DCLRE1A: variants seen among roughly 807,000 people sequenced by gnomAD.
DCLRE1A encodes the protein DNA cross-link repair 1A protein.
In DCLRE1A, 64 loss-of-function variants were observed where a neutral mutation model predicts 91.9. That is an observed-to-expected ratio of 0.70 (90% CI 0.57 to 0.86). DCLRE1A has a LOEUF of 0.86. Among genes scored for constraint, DCLRE1A ranks in the 40% least tolerant of loss-of-function variants. The pLI is 0.00. For missense variants in DCLRE1A, 1,145 were observed against 1,213.3 expected, an observed-to-expected ratio of 0.94 and a Z score of 0.84; for synonymous variants, 416 against 431.1, an observed-to-expected ratio of 0.96 and a Z score of 0.43.
chr10:113,852,826 A>G lies in DCLRE1A; in HGVS notation c.357T>C (p.Asp119=). 6.2e-7 allele frequency: 1 copy of G among 1,614,214 alleles called. No individual in the cohort carries two copies. Among genetic ancestry groups the G allele is most frequent in the Non-Finnish European group, 8.5e-7 (1 of 1,180,020 alleles). The change falls in exon 1 of 9, where the codon GAT becomes GAC. Residue 119 remains aspartate (D), a synonymous_variant. Transcript: ENST00000361384. ...GCATCTGGCAATTTGGACAGTATCC[A>G]TCATAAACTGGACGTATCTTTGGGG... The part of the protein sequence containing the change: ...HVSPKIRPVY[D]GYCPNCQMPF...
chr10:113,841,390 T>C lies in DCLRE1A; in HGVS notation c.2820+16A>G, dbSNP rs1593071987. The C allele has an allele frequency of 6.2e-7, 1 of 1,608,548 alleles. No individual in the cohort carries two copies. The highest frequency in any genetic ancestry group is 1.7e-5 in the Admixed American group (1 of 59,038). ...TTTTTTGTTCATCCTAAAAGACATA[T>C]CTCTTGAATGCTTACCTTAAAATTA... On this transcript the variant is annotated intron_variant, in intron 7 of 8. Coordinates refer to ENST00000361384, the MANE Select transcript of DCLRE1A (RefSeq NM_014881.5).
At chr10:113,835,357 T>C (rs761490196) in intron 8 of DCLRE1A, 45 bp from the exon 9 acceptor site, 1 of 1,514,662 alleles carries the variant, frequency 6.6e-7, no homozygotes, top group African/African-American at 1.4e-5. Context: ...ATCAAACTAA[T>C]TTAAACTTTC....
chr10:113,844,069 G>A (rs1564842978), intron 5 of DCLRE1A, 35 bp downstream of exon 5: 1 of 1,611,240 alleles, frequency 6.2e-7, no homozygotes, highest in East Asian at 2.2e-5. Flanking sequence ...GGCTGTCAGT[G>A]GGAAAAGGAA....
chr10:113,847,082 T>C, intron 3 of DCLRE1A, 120 bp downstream of exon 3: 1 of 1,020,318 alleles, frequency 9.8e-7, no homozygotes. Context: ...TGGAATATGT[T>C]TTCTCATTTT....
rs894661018 is a variant in DCLRE1A, at chr10:113,850,244, T to C, written c.861A>G (p.Pro287=). 13 of 1,614,172 alleles carry C rather than the reference T, an allele frequency of 8.1e-6. No individual in the cohort carries two copies. Among genetic ancestry groups the C allele is most frequent in the Non-Finnish European group, 8.5e-6 (10 of 1,180,014 alleles). Residue 287 remains proline, a synonymous_variant, in exon 2 of 9, where the codon CCA becomes CCG. Transcript: ENST00000361384. ...AGTCACTGAAGTCATTTTCTGGCAA[T>C]GGCAAATTTATGTGTTCTGAGTTGT... ...LANNSEHINL[P]LPENDFSDCE... is the part of the protein sequence containing the mutation.
intron 4 of DCLRE1A, among the ~76,000 whole-genome samples, chr10:113,844,912 G>A (rs528640646): frequency 9.3e-5 from 14 of 150,396 alleles, no homozygotes; most frequent in African/African-American, 2.9e-4. Context: ...CTCCAACCTG[G>A]GCAAAAAAAG....
Position 113,849,796 on chromosome 10 carries a change from A to C in DCLRE1A, c.1309T>G (p.Ser437Ala), listed in dbSNP as rs373657106. Residue 437 changes from serine (S) to alanine (A), a missense_variant, in exon 2 of 9, where the codon TCA (serine) becomes GCA (alanine). Ser to Ala is a moderately conservative substitution (Grantham distance 99). Coordinates refer to ENST00000361384, the MANE Select transcript of DCLRE1A (RefSeq NM_014881.5). ...KAKPDEPEFHSAQSNKQKQVI... is the reference protein window; with the variant it reads ...KAKPDEPEFHAAQSNKQKQVI... ...TGTTTCTGTTTATTTGATTGAGCTG[A>C]GTGAAATTCTGGCTCATCAGGTTTT... 5.6e-6 allele frequency: 9 copies of C among 1,614,068 alleles called. No homozygotes were observed. The highest frequency in any genetic ancestry group is 6.8e-6 in the Non-Finnish European group (8 of 1,180,044).
rs370209719 is a variant in DCLRE1A at position 113,841,460 on chromosome 10, G to A, written c.2766C>T (p.Thr922=). The change falls in exon 7 of 9, where the codon ACC becomes ACT. Residue 922 remains threonine (T), a synonymous_variant. Transcript: ENST00000361384. ...GGTGAACCAATGAACTGCACATGTC[G>A]GTAGTGATGAGTGAATTAATTTCTG... is the stretch of plus-strand genomic sequence containing the variant. ...NIPEINSLIT[T]DMCSSLVHLL... is the part of the protein sequence containing the mutation. The A allele has an allele frequency of 5.1e-5, 82 of 1,613,380 alleles. No individual in the cohort carries two copies. The highest frequency in any genetic ancestry group is 1.4e-4 in the South Asian group (13 of 90,994).
chr10:113,834,978 TGA>T lies in DCLRE1A; in HGVS notation c.*172_*173del, dbSNP rs2134641599. ...CAGTTTCAGTTATCCTTGATGATGC[TGA>T]GAGGCATTCAGCACCACGAACATGT... On this transcript the variant is annotated 3_prime_UTR_variant, in exon 9 of 9. Coordinates refer to ENST00000361384, the MANE Select transcript of DCLRE1A (RefSeq NM_014881.5). 4 of 645,670 alleles carry T rather than the reference TGA, an allele frequency of 6.2e-6. No homozygotes were observed. The East Asian group carries it at 9.0e-5, about 15-fold the overall frequency. 40.0% of individuals were successfully genotyped at this position (645,670 alleles called of 1,614,324 possible). A position where few individuals can be genotyped will look rare whatever the true frequency, so the allele number is the denominator to read the frequency against.
Position 113,844,188 on chromosome 10 carries a change from T to C in DCLRE1A, c.2435A>G (p.His812Arg), listed in dbSNP as rs760652905. ...FYLPNGTVILHTGDFRADPSM... is the reference protein window; with the variant it reads ...FYLPNGTVILRTGDFRADPSM... The stretch of plus-strand genomic sequence containing the variant: ...GGGATCTGCTCTGAAGTCTCCCGTG[T>C]GTAATATGACAGTACCATTAGGAAG... Residue 812 changes from histidine to arginine, a missense_variant, in exon 5 of 9, where the codon CAC (histidine) becomes CGC (arginine). By Grantham distance (29) the His-to-Arg change is conservative. Transcript: ENST00000361384. 2 of 1,614,044 alleles carry C rather than the reference T, an allele frequency of 1.2e-6. No homozygotes were observed. The highest frequency in any genetic ancestry group is 1.7e-6 in the Non-Finnish European group (2 of 1,180,026).
At position 113,850,582 on chromosome 10, in the gene DCLRE1A, A is replaced by T; in HGVS notation, c.523T>A (p.Phe175Ile). ...IPFHYKRYTH[F>I]LLAQSRAGDH... ...CCAGCCCTGCTTTGAGCTAGCAGGA[A>T]GTGAGTGTATCTCTTGTAATGAAAA... The change falls in exon 2 of 9, where the codon TTC becomes ATC. Residue 175 changes from phenylalanine to isoleucine, a missense_variant. Coordinates refer to ENST00000361384, the MANE Select transcript of DCLRE1A (RefSeq NM_014881.5). The T allele has an allele frequency of 6.2e-7, 1 of 1,614,158 alleles. No homozygotes were observed. The highest frequency in any genetic ancestry group is 1.6e-4 in the Middle Eastern group (1 of 6,062).
In DCLRE1A at chr10:113,840,312, C is replaced by A. The variant is rs12256487; in HGVS notation, c.2820+1094G>T. Among the ~76,000 whole-genome samples, 1,114 of 142,562 alleles carry A rather than the reference C, an allele frequency of 7.8e-3. 12 individuals carry two copies. The highest frequency in any genetic ancestry group is 0.027 in the African/African-American group (1,054 of 38,920). The allele number at this position is 142,562 out of a possible 152,430, so 93.5% of individuals were successfully genotyped here. ...CTGTCTCCAAAAAAAAAAAAAACAA[C>A]AAAAAAAAAAGTTTGAGTTTGTAGT... On this transcript the variant is annotated intron_variant, in intron 7 of 8. Coordinates refer to ENST00000361384, the MANE Select transcript of DCLRE1A (RefSeq NM_014881.5).
rs765925218 is a variant in DCLRE1A, at chr10:113,844,139, C to T, written c.2484G>A (p.Ala828=). The T allele has an allele frequency of 2.9e-5, 46 of 1,613,998 alleles. No homozygotes were observed. Among genetic ancestry groups the T allele is most frequent in the Non-Finnish European group, 3.0e-5 (35 of 1,180,010 alleles). Residue 828 remains alanine (A), a synonymous_variant, in exon 5 of 9, where the codon GCG becomes GCA. Coordinates refer to ENST00000361384, the MANE Select transcript of DCLRE1A (RefSeq NM_014881.5). ...ADPSMERSLL[A]DQKVHMLYLD... ...AGTACAGCATATGGACTTTCTGGTC[C>T]GCAAGAAGAGAACGTTCCATGCTGG...
chr10:113,839,078 C>A (rs1016441652), intron 7 of DCLRE1A, among the ~76,000 whole-genome samples: 1 of 152,096 alleles, frequency 6.6e-6, no homozygotes, highest in Admixed American at 6.5e-5. Context: ...GTATTCCCAG[C>A]ACTTTGGGAG....
chr10:113,850,106 G>A lies in DCLRE1A; in HGVS notation c.999C>T (p.Ser333=), dbSNP rs1443739493. 2 of 1,613,886 alleles carry A rather than the reference G, an allele frequency of 1.2e-6. No individual in the cohort carries two copies. The highest frequency in any genetic ancestry group is 2.2e-5 in the South Asian group (2 of 91,060). ...LFFTESSKDG[S]LEEDDDSCGF... ...CACAGCTGTCATCATCTTCTTCGAG[G>A]CTGCCATCTTTTGAGCTTTCGGTAA... The change falls in exon 2 of 9, where the codon AGC becomes AGT. Residue 333 remains serine (S), a synonymous_variant. Transcript: ENST00000361384.
chr10:113,835,375 T>C, intron 8 of DCLRE1A, 63 bp from the exon 9 acceptor site: 1 of 1,453,522 alleles, frequency 6.9e-7, no homozygotes. Context: ...TTCACAATCC[T>C]AAAATAAAAT....
In DCLRE1A at chr10:113,837,120, G is replaced by C. The variant is rs754156265; in HGVS notation, c.2904C>G (p.Asn968Lys). ...TAACATCTGCTATTCTAGTGAACTT[G>C]TTAGAGTGTGTCCATCCTGTAGGTC... ...AFRPTGWTHS[N>K]KFTRIADVIP... Residue 968 changes from asparagine (N) to lysine (K), a missense_variant, in exon 8 of 9, where the codon AAC (asparagine) becomes AAG (lysine). Physicochemically the swap from Asn to Lys is moderately conservative, Grantham distance 94 (BLOSUM62 0). Transcript: ENST00000361384. The C allele has an allele frequency of 6.2e-7, 1 of 1,613,400 alleles. No homozygotes were observed. The highest frequency in any genetic ancestry group is 2.2e-5 in the East Asian group (1 of 44,796).
chr10:113,850,351 T>C lies in DCLRE1A; in HGVS notation c.754A>G (p.Ile252Val), dbSNP rs372218908. 5 of 1,614,128 alleles carry C rather than the reference T, an allele frequency of 3.1e-6. No homozygotes were observed. The African/African-American group carries it at 5.3e-5, about 17-fold the overall frequency. Residue 252 changes from isoleucine to valine, a missense_variant, in exon 2 of 9, where the codon ATC becomes GTC. Physicochemically the swap from Ile to Val is conservative, Grantham distance 29 (BLOSUM62 3). Transcript: ENST00000361384. ...TGTAGAGCTTGTTGGGATGTTTGGA[T>C]ATGAGTAGAAATCTTTTCACTGGCT... The part of the protein sequence containing the change: ...TEASEKISTH[I>V]QTSQQALQFT...
rs531457512 is a variant in DCLRE1A at position 113,839,790 on chromosome 10, T to G, written c.2820+1616A>C. 7.2e-5 allele frequency among the ~76,000 whole-genome samples: 11 copies of G among 152,286 alleles called. No individual in the cohort carries two copies. The South Asian group carries it at 2.3e-3, about 32-fold the overall frequency. ...TATCTCTCATCATCTATTACACCAT[T>G]AGCAGCTAGGAGCCTTACAGACTGA... On this transcript the variant is annotated intron_variant, in intron 7 of 8. Coordinates refer to ENST00000361384, the MANE Select transcript of DCLRE1A (RefSeq NM_014881.5).
Sources: gnomAD v4.1 joint callset for allele counts (sites outside exome capture counted in the v4.1 genomes callset) on GRCh38, gnomAD v4.1.1 for gene constraint, MANE v1.5 for transcripts, NCBI Gene and HGNC (gene_info 2026-07-23, HGNC 2026-07-21) for gene names.